The following CNTN2 variants were observed in gnomAD, a reference collection of about 807,000 sequenced individuals.
The protein encoded by CNTN2 is contactin 2.
In CNTN2, 53 loss-of-function variants were observed where a neutral mutation model predicts 117.5. That is an observed-to-expected ratio of 0.45 (90% CI 0.36 to 0.57). CNTN2 has a LOEUF of 0.57. CNTN2 is among the 20% of genes least tolerant of loss of function. The pLI is 0.00. For synonymous variants in CNTN2, 530 were observed against 561.7 expected (o/e 0.94, Z 0.80); for missense variants, 1,106 against 1,404.3 (o/e 0.79, Z 3.39).
In CNTN2 at chr1:205,064,470, C is replaced by T; in HGVS notation, c.1389C>T (p.Ser463=). The T allele has an allele frequency of 6.2e-7, 1 of 1,607,924 alleles. No individual in the cohort carries two copies. Among genetic ancestry groups the T allele is most frequent in the South Asian group, 1.1e-5 (1 of 90,732 alleles). ...SKGTEILVNS[S]RVTVTPDGTL... Reference sequence around the variant, plus strand: ...GCACGGAGATTTTGGTCAACAGCAGCAGGTACCACCCACACCCCACCCTGC... The same window carrying T: ...GCACGGAGATTTTGGTCAACAGCAGTAGGTACCACCCACACCCCACCCTGC... Residue 463 remains serine (S), a splice_region_variant and synonymous_variant, in exon 11 of 23, where the codon AGC becomes AGT. Transcript: ENST00000331830.
chr1:205,050,505 G>A (rs1247974935), intron 1 of CNTN2, among the ~76,000 whole-genome samples: 2 of 152,100 alleles, frequency 1.3e-5, no homozygotes, highest in Admixed American at 1.3e-4. Context: ...CAACTACTCT[G>A]TTTTTCACTT....
At chr1:205,062,136 A>G in intron 9 of CNTN2, 135 bp downstream of exon 9, 4 of 1,162,322 alleles carry the variant, frequency 3.4e-6, no homozygotes, top group Non-Finnish European at 4.7e-6. Flanking sequence ...TGGTCCTAGG[A>G]CCACCTAAGG....
At chr1:205,049,920 T>C (rs1030247188) in intron 1 of CNTN2, among the ~76,000 whole-genome samples, 2 of 152,094 alleles carry the variant, frequency 1.3e-5, no homozygotes, top group Non-Finnish European at 2.9e-5. Context: ...CTCCCTAGCC[T>C]CCCATGGTGG....
chr1:205,055,409 A>G (rs892045599), intron 2 of CNTN2, among the ~76,000 whole-genome samples: 1 of 152,144 alleles, frequency 6.6e-6, no homozygotes. Context: ...GTCTGTGGAT[A>G]TGGATGGCTG....
chr1:205,073,635 C>T lies in CNTN2; in HGVS notation c.3014-21C>T, dbSNP rs766160665. ...CTAGGGTAGTCCCAGGCCCAGCTGA[C>T]TCAGCTTGTGCTGGTTTCAGGCACA... On this transcript the variant is annotated intron_variant, in intron 22 of 22. Transcript: ENST00000331830. The surrounding 1 kb of genome is among the most constrained non-coding windows in gnomAD (Gnocchi z 6.3). 2 of 1,609,590 alleles carry T rather than the reference C, an allele frequency of 1.2e-6. No homozygotes were observed. Among genetic ancestry groups the T allele is most frequent in the East Asian group, 4.5e-5 (2 of 44,824 alleles).
At position 205,065,927 on chromosome 1, in the gene CNTN2, T is replaced by G; in HGVS notation, c.1816+18T>G. The stretch of plus-strand genomic sequence containing the variant: ...GGTCCGAGGTGAGGGGTTTCCCACC[T>G]CTACCCCTACCCCAACTCCCTTAAA... On this transcript the variant is annotated intron_variant, in intron 14 of 22. Coordinates refer to ENST00000331830, the MANE Select transcript of CNTN2 (RefSeq NM_005076.5). The surrounding 1 kb of genome is among the most constrained non-coding windows in gnomAD (Gnocchi z 4.1). 6.3e-7 allele frequency: 1 copy of G among 1,597,464 alleles called. No individual in the cohort carries two copies. The highest frequency in any genetic ancestry group is 1.1e-5 in the South Asian group (1 of 88,280).
At chr1:205,052,302 C>T (rs958669466) in intron 1 of CNTN2, among the ~76,000 whole-genome samples, 20 of 152,316 alleles carry the variant, frequency 1.3e-4, no homozygotes, top group African/African-American at 4.6e-4. Context: ...GCTCTGCCCC[C>T]GCCCTCACCT....
intron 20 of CNTN2, 136 bp downstream of exon 20, chr1:205,072,269 C>A: frequency 1.0e-6 from 1 of 965,982 alleles, no homozygotes; most frequent in Non-Finnish European, 1.5e-6. Flanking sequence ...GGCAGCGAGC[C>A]TAATGGAAAT....
chr1:205,070,606 C>A, intron 19 of CNTN2, 68 bp downstream of exon 19: 1 of 1,058,526 alleles, frequency 9.4e-7, no homozygotes, highest in Non-Finnish European at 1.4e-6. Context: ...GGGAACAACT[C>A]ACAGACCACT....
In CNTN2 at chr1:205,064,190, C is replaced by G. The variant is rs936852883; in HGVS notation, c.1241-132C>G. ...ATAGCTTAGGCCAGAGAAAAAAGGG[C>G]TTGGTTCTGGATGCATTCTGGAAGA... is the stretch of plus-strand genomic sequence containing the variant. On this transcript the variant is annotated intron_variant, in intron 10 of 22. Coordinates refer to ENST00000331830, the MANE Select transcript of CNTN2 (RefSeq NM_005076.5). 6.1e-6 allele frequency: 6 copies of G among 977,594 alleles called. No individual in the cohort carries two copies. The East Asian group carries it at 1.5e-4, about 25-fold the overall frequency. 60.6% of individuals were successfully genotyped at this position (977,594 alleles called of 1,614,324 possible).
chr1:205,062,591 G>C, intron 10 of CNTN2, 22 bp downstream of exon 10: 2 of 1,605,988 alleles, frequency 1.2e-6, no homozygotes, highest in Non-Finnish European at 1.7e-6. Context: ...AGGGAGGCAG[G>C]GGACATCCCA....
chr1:205,071,920 C>T, intron 19 of CNTN2, 27 bp from the exon 20 acceptor site: 1 of 1,592,740 alleles, frequency 6.3e-7, no homozygotes, highest in East Asian at 2.2e-5. Flanking sequence ...TTGACTACTA[C>T]CCCTTGGGTA....
Position 205,072,129 on chromosome 1 carries a change from G to A in CNTN2, c.2727G>A (p.Lys909=), listed in dbSNP as rs1558555903. Residue 909 remains lysine, a synonymous_variant, in exon 20 of 23, where the codon AAG becomes AAA. Transcript: ENST00000331830. ...ASPSANATTM[K]PPPRRPPGNI... ...CTTCTGCCAACGCCACGACCATGAA[G>A]CCCCGTGAGTCTGTCTGCCTGGGGT... 1.2e-6 allele frequency: 2 copies of A among 1,608,420 alleles called. No individual in the cohort carries two copies. Among genetic ancestry groups the A allele is most frequent in the Non-Finnish European group, 1.7e-6 (2 of 1,178,214 alleles).
Position 205,064,185 on chromosome 1 carries a change from A to G in CNTN2, c.1241-137A>G. ...ATTTGATAGCTTAGGCCAGAGAAAA[A>G]AGGGCTTGGTTCTGGATGCATTCTG... On this transcript the variant is annotated intron_variant, in intron 10 of 22. Transcript: ENST00000331830. The G allele has an allele frequency of 3.2e-6, 3 of 933,564 alleles. No individual in the cohort carries two copies. The South Asian group carries it at 7.7e-5, about 24-fold the overall frequency. The allele number at this position is 933,564 out of a possible 1,614,324, so 57.8% of individuals were successfully genotyped here. A position where few individuals can be genotyped will look rare whatever the true frequency, so the allele number is the denominator to read the frequency against.
At chr1:205,072,624 T>G in intron 21 of CNTN2, 29 bp downstream of exon 21, 1 of 1,532,456 alleles carries the variant, frequency 6.5e-7, no homozygotes, top group South Asian at 1.1e-5. Flanking sequence ...AGGCCCAGAA[T>G]GGGAAGGAAC....
In CNTN2 at chr1:205,062,632, T is replaced by C. The variant is rs372784277; in HGVS notation, c.1240+63T>C. 7.1e-6 allele frequency: 11 copies of C among 1,549,376 alleles called. No individual in the cohort carries two copies. In the East Asian group the frequency reaches 1.1e-4, roughly 16 times the overall value. On this transcript the variant is annotated intron_variant, in intron 10 of 22. Coordinates refer to ENST00000331830, the MANE Select transcript of CNTN2 (RefSeq NM_005076.5). The stretch of plus-strand genomic sequence containing the variant: ...ATGCATATGGTGGCTTTCAGAGCTC[T>C]GAGTTTAGGTGTTTCCAAACACACA...
In CNTN2 at chr1:205,062,093, T is replaced by C. The variant is rs769838303; in HGVS notation, c.1110+92T>C. ...CCCAGAACTTCCCCTGCACCACTAG[T>C]AGCCCCTCTGGGCTAATTAGGGTGT... On this transcript the variant is annotated intron_variant, in intron 9 of 22. Coordinates refer to ENST00000331830, the MANE Select transcript of CNTN2 (RefSeq NM_005076.5). 33 of 1,488,980 alleles carry C rather than the reference T, an allele frequency of 2.2e-5. 1 individual carries two copies. In the South Asian group the frequency reaches 3.8e-4, roughly 17 times the overall value. 92.2% of individuals were successfully genotyped at this position (1,488,980 alleles called of 1,614,324 possible).
Position 205,078,136 on chromosome 1 carries a change from C to A in CNTN2, c.*4371C>A, listed in dbSNP as rs1440779141. 1 of 152,222 alleles carries A rather than the reference C, an allele frequency of 6.6e-6. No individual in the cohort carries two copies. The highest frequency in any genetic ancestry group is 1.9e-4 in the East Asian group (1 of 5,204). The allele number at this position is 152,222 out of a possible 1,614,324, so 9.4% of individuals were successfully genotyped here. The stretch of plus-strand genomic sequence containing the variant: ...ACAGTGAAATATAAGTAAGTTACAA[C>A]ATACAGTCTATATTGCTTCATCCAG... On this transcript the variant is annotated 3_prime_UTR_variant, in exon 23 of 23. Coordinates refer to ENST00000331830, the MANE Select transcript of CNTN2 (RefSeq NM_005076.5).
intron 1 of CNTN2, among the ~76,000 whole-genome samples, chr1:205,050,384 A>T (rs1367525291): frequency 2.6e-5 from 4 of 152,040 alleles, no homozygotes; most frequent in African/African-American, 9.7e-5. Flanking sequence ...CAACCCTATC[A>T]AGTATATACA....
Sources: allele counts gnomAD v4.1 joint callset (sites outside exome capture counted in the v4.1 genomes callset), GRCh38; gene constraint gnomAD v4.1.1; non-coding constraint Gnocchi (gnomAD v3.1); transcripts MANE v1.5; gene names NCBI Gene and HGNC (gene_info 2026-07-23, HGNC 2026-07-21).